SUGCT: variants seen among roughly 807,000 people sequenced by gnomAD.
The protein encoded by SUGCT is succinyl-CoA:glutarate-CoA transferase.
Under a neutral mutation model 55.0 loss-of-function variants are expected in SUGCT, and 41 were observed. The observed-to-expected ratio is 0.74, with a 90% CI of 0.58 to 0.97. The LOEUF is 0.97. SUGCT is among the 50% of genes least tolerant of loss of function. The pLI is 0.00. For missense variants in SUGCT, 568 were observed against 547.8 expected, an observed-to-expected ratio of 1.04 and a Z score of -0.37; for synonymous variants, 187 against 200.4, an observed-to-expected ratio of 0.93 and a Z score of 0.56.
chr7:40,504,152 C>T (rs1474580799), intron 12 of SUGCT, among the ~76,000 whole-genome samples: 1 of 152,138 alleles, frequency 6.6e-6, no homozygotes, highest in Admixed American at 6.5e-5. Context: ...TGAGTAAGTT[C>T]TGGAGACTTA....
chr7:40,985,235 A>C, the SUGCT span, among the ~76,000 whole-genome samples: 1 of 152,160 alleles, frequency 6.6e-6, no homozygotes, highest in Admixed American at 6.6e-5. Flanking sequence ...GTTCCTTTCT[A>C]GTGAGGAGCA....
At chr7:40,551,912 A>G (rs1795318666) in intron 12 of SUGCT, among the ~76,000 whole-genome samples, 1 of 152,224 alleles carries the variant, frequency 6.6e-6, no homozygotes, top group South Asian at 2.1e-4. Context: ...TTGACTTGCA[A>G]GCTGTGAGAG....
rs147749318 is a variant in SUGCT, at chr7:40,730,130, C to T, written c.1090-19304C>T. Among the ~76,000 whole-genome samples, 412 of 152,234 alleles carry T rather than the reference C, an allele frequency of 2.7e-3. 1 individual carries two copies. The highest frequency in any genetic ancestry group is 9.5e-3 in the East Asian group (49 of 5,168). ...ATAGTATTTTGTTTTGTTTTTGAGA[C>T]GGAGTCTTGCTGTGTTGCCCAGGCT... is the stretch of plus-strand genomic sequence containing the variant. On this transcript the variant is annotated intron_variant, in intron 12 of 13. Transcript: ENST00000335693.
At chr7:40,610,714 C>T (rs574404998) in intron 12 of SUGCT, among the ~76,000 whole-genome samples, 1 of 152,284 alleles carries the variant, frequency 6.6e-6, no homozygotes, top group East Asian at 1.9e-4. Flanking sequence ...AAGAAACCAG[C>T]AAATCCTAGT....
At chr7:40,944,932 T>C in the SUGCT span, among the ~76,000 whole-genome samples, 4 of 152,342 alleles carry the variant, frequency 2.6e-5, no homozygotes, top group East Asian at 7.7e-4. Context: ...AACTGCTTAG[T>C]GTGTGAGCAG....
At chr7:40,703,903 C>T (rs568367057) in intron 12 of SUGCT, among the ~76,000 whole-genome samples, 162 of 152,308 alleles carry the variant, frequency 1.1e-3, no homozygotes, top group African/African-American at 3.8e-3. Context: ...AGCTCTAAAG[C>T]CACTAAAGGT....
chr7:40,662,554 C>G (rs538100880), intron 12 of SUGCT, among the ~76,000 whole-genome samples: 2 of 152,308 alleles, frequency 1.3e-5, no homozygotes, highest in South Asian at 4.1e-4. Flanking sequence ...GGACCTTGAA[C>G]CTGCCAAGCT....
intron 9 of SUGCT, among the ~76,000 whole-genome samples, chr7:40,440,145 G>GTT (rs138984553): frequency 7.5e-4 from 51 of 68,450 alleles, no homozygotes; most frequent in East Asian, 1.1e-3. Flanking sequence ...GTGTGTGTGT[G>GTT]TTTTTTTTTT....
chr7:40,441,031 G>A (rs373057616), intron 9 of SUGCT, among the ~76,000 whole-genome samples: 1 of 151,574 alleles, frequency 6.6e-6, no homozygotes, highest in Admixed American at 6.6e-5. Context: ...AATTACTTAT[G>A]TGAATGTTTG....
Position 40,457,966 on chromosome 7 carries a change from G to T in SUGCT, c.889-1135G>T, listed in dbSNP as rs1789579859. ...TGTGACAGGGAGGTTTCTAGAAAGG[G>T]TGCTGTATGTGGTGTTGGTTTTTAA... On this transcript the variant is annotated intron_variant, in intron 10 of 13. Transcript: ENST00000335693. 2.0e-5 allele frequency among the ~76,000 whole-genome samples: 3 copies of T among 152,200 alleles called. No homozygotes were observed. The South Asian group carries it at 6.2e-4, about 32-fold the overall frequency.
At chr7:40,245,731 C>A (rs938938114) in intron 7 of SUGCT, among the ~76,000 whole-genome samples, 2 of 151,858 alleles carry the variant, frequency 1.3e-5, no homozygotes, top group Non-Finnish European at 2.9e-5. Flanking sequence ...AGCCACTGTG[C>A]CCGGCATAGT....
intron 9 of SUGCT, among the ~76,000 whole-genome samples, chr7:40,335,200 T>C (rs1796611846): frequency 6.6e-6 from 1 of 152,254 alleles, no homozygotes; most frequent in African/African-American, 2.4e-5. Context: ...GCCTCTAGCT[T>C]TGTTCTTTTG....
At chr7:40,648,640 A>G (rs1800635984) in intron 12 of SUGCT, among the ~76,000 whole-genome samples, 1 of 152,236 alleles carries the variant, frequency 6.6e-6, no homozygotes, top group African/African-American at 2.4e-5. Context: ...TGGTGTCCTT[A>G]CAAGGAGAGC....
the SUGCT span, chr7:40,980,063 T>C: frequency 6.6e-6 from 1 of 152,252 alleles, no homozygotes; most frequent in African/African-American, 2.4e-5. Flanking sequence ...ACCAATTTTG[T>C]TCCCCAGTGA....
At chr7:40,936,681 A>G in the SUGCT span, among the ~76,000 whole-genome samples, 6 of 151,976 alleles carry the variant, frequency 3.9e-5, no homozygotes, top group Middle Eastern at 3.4e-3. Flanking sequence ...TTATAACAGA[A>G]AGGTAGGTTA....
At chr7:40,687,348 T>C (rs1784509708) in intron 12 of SUGCT, among the ~76,000 whole-genome samples, 1 of 152,212 alleles carries the variant, frequency 6.6e-6, no homozygotes, top group Non-Finnish European at 1.5e-5. Context: ...GAGTTTTGTC[T>C]CCTTTTCTCT....
chr7:40,887,075 T>G, the SUGCT span, among the ~76,000 whole-genome samples: 22 of 152,142 alleles, frequency 1.4e-4, 1 homozygote, highest in Admixed American at 6.5e-5. Context: ...GAATAGAACC[T>G]TTGAGGACCT....
the SUGCT span, among the ~76,000 whole-genome samples, chr7:40,905,389 G>T: frequency 6.6e-6 from 1 of 152,176 alleles, no homozygotes; most frequent in Non-Finnish European, 1.5e-5. Context: ...TTAATGAAAA[G>T]AGATGATAAA....
At chr7:40,293,331 C>T (rs1048011018) in intron 8 of SUGCT, among the ~76,000 whole-genome samples, 4 of 152,138 alleles carry the variant, frequency 2.6e-5, no homozygotes, top group African/African-American at 9.7e-5. Flanking sequence ...CACCAGTGCT[C>T]AACGTTGGCT....
Sources: gnomAD v4.1 joint callset for allele counts (sites outside exome capture counted in the v4.1 genomes callset) on GRCh38, gnomAD v4.1.1 for gene constraint, MANE v1.5 for transcripts, NCBI Gene and HGNC (gene_info 2026-07-23, HGNC 2026-07-21) for gene names.